The following NCOA2 variants were observed in gnomAD, a reference collection of about 807,000 sequenced individuals.
NCOA2 encodes class E basic helix-loop-helix protein 75.
A neutral mutation model predicts 145.1 loss-of-function variants in NCOA2; 21 were observed. That is an observed-to-expected ratio of 0.14 (90% confidence interval 0.10 to 0.21). NCOA2 has a LOEUF of 0.21. Among genes scored for constraint, NCOA2 ranks in the 10% least tolerant of loss-of-function variants. The pLI is 1.00. For missense variants in NCOA2, 1,472 were observed against 1,837.6 expected (o/e 0.80, Z 3.64); for synonymous variants, 619 against 637.5 (o/e 0.97, Z 0.44).
At chr8:70,191,688 G>C (rs1399799066) in intron 4 of NCOA2, among the ~76,000 whole-genome samples, 1 of 152,168 alleles carries the variant, frequency 6.6e-6, no homozygotes, top group Non-Finnish European at 1.5e-5. Context: ...TTTTATAGAA[G>C]TGAGAGAGAC....
At chr8:70,181,708 C>G (rs1265941383) in intron 4 of NCOA2, among the ~76,000 whole-genome samples, 1 of 152,182 alleles carries the variant, frequency 6.6e-6, no homozygotes, top group Non-Finnish European at 1.5e-5. Context: ...ACCTAGAAAT[C>G]TACGAATTTT....
At chr8:70,442,393 G>A in the NCOA2 span, among the ~76,000 whole-genome samples, 4 of 152,094 alleles carry the variant, frequency 2.6e-5, no homozygotes, top group Non-Finnish European at 5.9e-5. Context: ...AATCCCTCAA[G>A]CAACATATTT....
At chr8:70,160,680 A>G (rs867799345) in intron 9 of NCOA2, among the ~76,000 whole-genome samples, 5 of 123,524 alleles carry the variant, frequency 4.0e-5, no homozygotes, top group South Asian at 2.6e-4. Context: ...AGAGAGAGAG[A>G]GGGAGAGAGA....
intron 14 of NCOA2, among the ~76,000 whole-genome samples, chr8:70,139,072 G>C (rs927021511): frequency 2.0e-5 from 3 of 152,258 alleles, no homozygotes; most frequent in African/African-American, 7.2e-5. Flanking sequence ...CCCTACCAGA[G>C]AAAGAGCAGA....
chr8:70,126,446 G>C (rs907783614), intron 19 of NCOA2, among the ~76,000 whole-genome samples: 3 of 152,174 alleles, frequency 2.0e-5, no homozygotes, highest in Admixed American at 2.0e-4. Context: ...GTTTGAGTCA[G>C]ACTCAGAGGC....
chr8:70,155,922 T>C (rs1812231340), intron 11 of NCOA2, 49 bp downstream of exon 11: 1 of 1,442,620 alleles, frequency 6.9e-7, no homozygotes, highest in African/African-American at 1.4e-5. Context: ...GAGAAAATCC[T>C]TGATGGATAC....
Position 70,250,429 on chromosome 8 carries a change from G to A in NCOA2, c.-19-33665C>T, listed in dbSNP as rs191565841. ...AAAAAAAAAAAAAAAAAAGTCAGCC[G>A]AGCGTGGTGGCACGCCTGTGGTCCC... On this transcript the variant is annotated intron_variant, in intron 2 of 22. Coordinates refer to ENST00000452400, the MANE Select transcript of NCOA2 (RefSeq NM_006540.4). 2.7e-3 allele frequency among the ~76,000 whole-genome samples: 397 copies of A among 146,264 alleles called. 2 individuals carry two copies. The highest frequency in any genetic ancestry group is 7.9e-3 in the African/African-American group (317 of 40,098).
rs141306622 is a variant in NCOA2 at position 70,348,029 on chromosome 8, A to C, written c.-76-51229T>G. Among the ~76,000 whole-genome samples, 491 of 152,362 alleles carry C rather than the reference A, an allele frequency of 3.2e-3. 3 individuals are homozygous for C. Among genetic ancestry groups the C allele is most frequent in the South Asian group, 0.026 (126 of 4,828 alleles). On this transcript the variant is annotated intron_variant, in intron 1 of 22. Coordinates refer to ENST00000452400, the MANE Select transcript of NCOA2 (RefSeq NM_006540.4). Reference sequence around the variant, plus strand: ...ATGCTAATTTGCTAAAGCAATAAAAAGGAAAGAGCTGAGTAAAAAATAGTT... The same window carrying C: ...ATGCTAATTTGCTAAAGCAATAAAACGGAAAGAGCTGAGTAAAAAATAGTT...
chr8:70,417,916 G>A, the NCOA2 span, among the ~76,000 whole-genome samples: 2 of 150,228 alleles, frequency 1.3e-5, no homozygotes, highest in Non-Finnish European at 3.0e-5. Flanking sequence ...CTAATTCAGA[G>A]GCACGAGAGA....
intron 17 of NCOA2, 46 bp downstream of exon 17, chr8:70,128,656 C>T: frequency 2.5e-6 from 4 of 1,604,012 alleles, no homozygotes; most frequent in Non-Finnish European, 3.4e-6. Context: ...TCCCCATGTC[C>T]TCCACCCAGC....
chr8:70,380,042 C>A (rs1812052346), intron 1 of NCOA2, among the ~76,000 whole-genome samples: 1 of 152,034 alleles, frequency 6.6e-6, no homozygotes, highest in Non-Finnish European at 1.5e-5. Context: ...AATATGCAAA[C>A]ATGAGTAATT....
At chr8:70,399,743 T>C (rs1814048375) in intron 1 of NCOA2, among the ~76,000 whole-genome samples, 1 of 152,278 alleles carries the variant, frequency 6.6e-6, no homozygotes, top group Non-Finnish European at 1.5e-5. Flanking sequence ...GCACATGCTG[T>C]GCATTTCAGA....
intron 2 of NCOA2, among the ~76,000 whole-genome samples, chr8:70,238,067 T>C (rs570720715): frequency 2.6e-5 from 4 of 152,138 alleles, no homozygotes; most frequent in African/African-American, 7.2e-5. Context: ...GTGATTAAGA[T>C]AGAAATATGA....
At chr8:70,234,481 A>G (rs1346833603) in intron 2 of NCOA2, among the ~76,000 whole-genome samples, 1 of 152,224 alleles carries the variant, frequency 6.6e-6, no homozygotes, top group Non-Finnish European at 1.5e-5. Flanking sequence ...CCTACCAGTA[A>G]TAAACAAGGA....
chr8:70,317,744 T>A (rs1805720556), intron 1 of NCOA2, among the ~76,000 whole-genome samples: 1 of 151,990 alleles, frequency 6.6e-6, no homozygotes, highest in African/African-American at 2.4e-5. Flanking sequence ...CCCAGGGGCA[T>A]CTATTGGTAT....
chr8:70,455,924 T>C, the NCOA2 span, among the ~76,000 whole-genome samples: 1 of 152,002 alleles, frequency 6.6e-6, no homozygotes, highest in Non-Finnish European at 1.5e-5. Flanking sequence ...GATAGCAGAG[T>C]TTATAAAATG....
intron 2 of NCOA2, among the ~76,000 whole-genome samples, chr8:70,219,511 C>T (rs1463430458): frequency 6.6e-6 from 1 of 152,130 alleles, no homozygotes; most frequent in Non-Finnish European, 1.5e-5. Flanking sequence ...GTCGGGGATG[C>T]CTGGCCAAGC....
intron 6 of NCOA2, 94 bp from the exon 7 acceptor site, chr8:70,166,848 A>T: frequency 8.6e-7 from 1 of 1,166,744 alleles, no homozygotes; most frequent in Non-Finnish European, 1.2e-6. Context: ...AAATATGATT[A>T]TTTCATCTTT....
the NCOA2 span, among the ~76,000 whole-genome samples, chr8:70,443,819 C>G: frequency 2.6e-5 from 4 of 152,170 alleles, no homozygotes; most frequent in African/African-American, 7.2e-5. Flanking sequence ...AAGTGATCCT[C>G]TCTTCTCTGC....
Sources: gnomAD v4.1 joint callset for allele counts (sites outside exome capture counted in the v4.1 genomes callset) on GRCh38, gnomAD v4.1.1 for gene constraint, MANE v1.5 for transcripts, NCBI Gene and HGNC (gene_info 2026-07-23, HGNC 2026-07-21) for gene names.